The following BIN2 variants were observed in gnomAD, a reference collection of about 807,000 sequenced individuals.
BIN2 encodes the protein bridging integrator 2.
Under a neutral mutation model 67.9 loss-of-function variants are expected in BIN2, and 43 were observed. That is an observed-to-expected ratio of 0.63 (90% confidence interval 0.50 to 0.82). BIN2 has a LOEUF of 0.82. Ranked by LOEUF, BIN2 falls within the 40% of genes least tolerant of loss-of-function variation. The pLI is 0.00. For missense variants in BIN2, 581 were observed against 671.6 expected (o/e 0.87, Z 1.49); for synonymous variants, 244 against 246.8 (o/e 0.99, Z 0.11).
chr12:51,321,350 G>T (rs752122986), intron 1 of BIN2, among the ~76,000 whole-genome samples: 1 of 151,966 alleles, frequency 6.6e-6, no homozygotes, highest in Non-Finnish European at 1.5e-5. Context: ...ATAGATGAAG[G>T]GAGATGACAT....
At position 51,288,173 on chromosome 12, in the gene BIN2, C is replaced by T. The variant is rs1475653327; in HGVS notation, c.1531G>A (p.Gly511Arg). 2 of 1,613,884 alleles carry T rather than the reference C, an allele frequency of 1.2e-6. No homozygotes were observed. The highest frequency in any genetic ancestry group is 2.2e-5 in the East Asian group (1 of 44,880). The part of the protein sequence containing the change: ...LMTSQVASEP[G>R]EAKKMEDKEK... Reference sequence around the variant, plus strand: ...TTGTCTTCCATCTTCTTTGCCTCTCCAGGCTCTGAAGCAACCTGTGAATCA... The same window carrying T: ...TTGTCTTCCATCTTCTTTGCCTCTCTAGGCTCTGAAGCAACCTGTGAATCA... The change falls in exon 11 of 13, where the codon GGA (glycine) becomes AGA (arginine). Residue 511 changes from glycine (G) to arginine (R), a missense_variant. Coordinates refer to ENST00000615107, the MANE Select transcript of BIN2 (RefSeq NM_016293.4).
intron 2 of BIN2, among the ~76,000 whole-genome samples, chr12:51,312,987 C>G (rs892305691): frequency 6.6e-6 from 1 of 152,094 alleles, no homozygotes; most frequent in Non-Finnish European, 1.5e-5. Context: ...AATCCCAGCA[C>G]TTCGGGAGGC....
At position 51,313,917 on chromosome 12, in the gene BIN2, T is replaced by A; in HGVS notation, c.82-14A>T. The stretch of plus-strand genomic sequence containing the variant: ...TTTCTGCAGCACCTAGGGATATAAG[T>A]CAGAAAGGCCCGTAAGGTTATAGTC... On this transcript the variant is annotated splice_polypyrimidine_tract_variant and intron_variant, in intron 1 of 12. Transcript: ENST00000615107. 6.2e-7 allele frequency: 1 copy of A among 1,607,980 alleles called. No individual in the cohort carries two copies. Among genetic ancestry groups the A allele is most frequent in the Non-Finnish European group, 8.5e-7 (1 of 1,174,524 alleles).
chr12:51,304,832 C>T (rs896966577), intron 2 of BIN2, among the ~76,000 whole-genome samples: 12 of 150,588 alleles, frequency 8.0e-5, no homozygotes, highest in South Asian at 2.1e-4. Flanking sequence ...CTGGCTAACA[C>T]GGTGAAAGCC....
At chr12:51,310,451 G>A (rs1945967119) in intron 2 of BIN2, among the ~76,000 whole-genome samples, 1 of 152,096 alleles carries the variant, frequency 6.6e-6, no homozygotes, top group Non-Finnish European at 1.5e-5. Flanking sequence ...GGGGAATTTG[G>A]ACACTGACAG....
intron 10 of BIN2, among the ~76,000 whole-genome samples, chr12:51,290,676 G>C (rs1001945966): frequency 2.6e-5 from 4 of 151,950 alleles, no homozygotes; most frequent in Non-Finnish European, 5.9e-5. Context: ...GCTCACCCCT[G>C]TAATCCCAGC....
At chr12:51,293,850 G>A (rs183158694) in intron 9 of BIN2, among the ~76,000 whole-genome samples, 223 of 152,238 alleles carry the variant, frequency 1.5e-3, no homozygotes, top group Admixed American at 4.6e-3. Flanking sequence ...TGAGAATGTG[G>A]ACTCATGAGG....
Position 51,313,860 on chromosome 12 carries a change from C to G in BIN2, c.125G>C (p.Arg42Pro), listed in dbSNP as rs539014719. The G allele has an allele frequency of 2.5e-6, 4 of 1,613,718 alleles. No homozygotes were observed. The African/African-American group carries it at 4.0e-5, about 16-fold the overall frequency. Reference sequence around the variant, plus strand: ...GAAGTTGCTAGCGCTTTGTTCAAATCGTTCATCTTTGGTTTCTACAGCTTT... The same window carrying G: ...GAAGTTGCTAGCGCTTTGTTCAAATGGTTCATCTTTGGTTTCTACAGCTTT... ...LGKAVETKDE[R>P]FEQSASNFYQ... Residue 42 changes from arginine (R) to proline (P), a missense_variant, in exon 2 of 13, where the codon CGA (arginine) becomes CCA (proline). Transcript: ENST00000615107.
intron 1 of BIN2, among the ~76,000 whole-genome samples, chr12:51,320,483 G>T (rs1946242054): frequency 6.6e-6 from 1 of 152,046 alleles, no homozygotes. Context: ...CAGCTAGAAT[G>T]CTCTCTGATC....
At chr12:51,283,296 T>TA (rs1945159719) in intron 12 of BIN2, among the ~76,000 whole-genome samples, 2 of 148,720 alleles carry the variant, frequency 1.3e-5, no homozygotes, top group Non-Finnish European at 1.5e-5. Flanking sequence ...TCTGCTTATT[T>TA]AAAAAAAACA....
intron 1 of BIN2, among the ~76,000 whole-genome samples, chr12:51,315,885 A>G (rs1946113061): frequency 6.6e-6 from 1 of 152,208 alleles, no homozygotes; most frequent in South Asian, 2.1e-4. Context: ...ACTTATAAAC[A>G]GGCAATTACA....
rs757451845 is a variant in BIN2, at chr12:51,313,809, A to C, written c.162+14T>G. The C allele has an allele frequency of 5.6e-6, 9 of 1,606,406 alleles. No homozygotes were observed. Among genetic ancestry groups the C allele is most frequent in the East Asian group, 2.2e-5 (1 of 44,824 alleles). ...TTCTTCTTCCAAGCTTCCCTCCCCT[A>C]CCCTCCAGATTACCTGTTGTTGGTA... On this transcript the variant is annotated intron_variant, in intron 2 of 12. Transcript: ENST00000615107.
intron 10 of BIN2, among the ~76,000 whole-genome samples, chr12:51,291,340 G>T (rs1485388877): frequency 6.6e-6 from 1 of 152,146 alleles, no homozygotes; most frequent in Non-Finnish European, 1.5e-5. Context: ...CGGGTGCAGT[G>T]GCTCACATCT....
intron 2 of BIN2, among the ~76,000 whole-genome samples, chr12:51,304,803 T>C (rs1156603659): frequency 6.9e-6 from 1 of 144,366 alleles, no homozygotes; most frequent in African/African-American, 2.6e-5. Flanking sequence ...GATCACGAGG[T>C]CAGGAGATCA....
Position 51,284,715 on chromosome 12 carries a change from C to A in BIN2, c.1668+1G>T, listed in dbSNP as rs1312390700. Reference sequence around the variant, plus strand: ...TCTATTCTCTGTATATCTGGTCTTACCTCTTCTTGAGGTTCAGGTGCTGTG... The same window carrying A: ...TCTATTCTCTGTATATCTGGTCTTAACTCTTCTTGAGGTTCAGGTGCTGTG... On this transcript the variant is annotated splice_donor_variant, in intron 12 of 12. Coordinates refer to ENST00000615107, the MANE Select transcript of BIN2 (RefSeq NM_016293.4). LOFTEE classifies it high-confidence loss of function. 1.2e-6 allele frequency: 2 copies of A among 1,605,258 alleles called. No homozygotes were observed. Among genetic ancestry groups the A allele is most frequent in the African/African-American group, 1.3e-5 (1 of 74,826 alleles).
At chr12:51,298,895 C>A (rs994363582) in intron 7 of BIN2, among the ~76,000 whole-genome samples, 1 of 151,672 alleles carries the variant, frequency 6.6e-6, no homozygotes, top group Non-Finnish European at 1.5e-5. Flanking sequence ...ATGGTGAAAC[C>A]CCATCTCTAC....
In BIN2 at chr12:51,302,011, A is replaced by G. The variant is rs1484149565; in HGVS notation, c.408+9T>C. 2 of 1,599,650 alleles carry G rather than the reference A, an allele frequency of 1.3e-6. No individual in the cohort carries two copies. Among genetic ancestry groups the G allele is most frequent in the Non-Finnish European group, 1.7e-6 (2 of 1,167,084 alleles). On this transcript the variant is annotated intron_variant, in intron 5 of 12. Transcript: ENST00000615107. The stretch of plus-strand genomic sequence containing the variant: ...CCACAACCCAGCCTTGATTCTGTAC[A>G]TTGAGTACCTTAATTTCACTGAACT...
chr12:51,288,014 G>A (rs1238615595), intron 11 of BIN2, 94 bp downstream of exon 11: 4 of 845,900 alleles, frequency 4.7e-6, no homozygotes, highest in East Asian at 2.7e-5. Flanking sequence ...AAGACTGAAG[G>A]CCTCTGAAAG....
intron 10 of BIN2, among the ~76,000 whole-genome samples, chr12:51,290,657 G>A (rs1316973196): frequency 6.6e-6 from 1 of 151,790 alleles, no homozygotes; most frequent in Non-Finnish European, 1.5e-5. Flanking sequence ...AAACCAGCTG[G>A]GCGAGGTGGC....
Sources: gnomAD v4.1 joint callset for allele counts (sites outside exome capture counted in the v4.1 genomes callset) on GRCh38, gnomAD v4.1.1 for gene constraint, MANE v1.5 for transcripts, NCBI Gene and HGNC (gene_info 2026-07-23, HGNC 2026-07-21) for gene names.